Variants in POU2F1 observed in about 807,000 individuals in gnomAD.
POU2F1 encodes the protein POU class 2 homeobox 1.
POU2F1 carries 16 observed loss-of-function variants against 84.9 expected under a neutral mutation model. That is an observed-to-expected ratio of 0.19 (90% CI 0.13 to 0.29). POU2F1 has a LOEUF of 0.29. Among genes scored for constraint, POU2F1 ranks in the 10% least tolerant of loss-of-function variants. The probability of loss-of-function intolerance (pLI) is 1.00; values close to 1 mark genes in which losing one functional copy is unlikely to be tolerated. For missense variants in POU2F1, 738 were observed against 942.6 expected, an observed-to-expected ratio of 0.78 and a Z score of 2.84; for synonymous variants, 368 against 368.3, an observed-to-expected ratio of 1.00 and a Z score of 0.01.
intron 2 of POU2F1, among the ~76,000 whole-genome samples, chr1:167,364,821 G>A (rs1340914634): frequency 6.6e-6 from 1 of 151,848 alleles, no homozygotes; most frequent in African/African-American, 2.4e-5. Flanking sequence ...TACCCACCTT[G>A]GCCTCCCAAA....
rs556780239 is a variant in POU2F1 at position 167,314,930 on chromosome 1, C to T, written c.62-17540C>T. On this transcript the variant is annotated intron_variant, in intron 1 of 15. Coordinates refer to ENST00000367866, the MANE Select transcript of POU2F1 (RefSeq NM_002697.4). ...AGGGTGGATCCCTCATAGCTTGGTG[C>T]GGTCTTCTTGATAGTGAGTTCTCAT... is the stretch of plus-strand genomic sequence containing the variant. Among the ~76,000 whole-genome samples the T allele has an allele frequency of 5.3e-5, 8 of 152,200 alleles. No homozygotes were observed. The East Asian group carries it at 5.8e-4, about 11-fold the overall frequency.
intron 7 of POU2F1, chr1:167,380,646 A>G (rs1226722635): frequency 6.6e-6 from 1 of 152,246 alleles, no homozygotes; most frequent in African/African-American, 2.4e-5. Flanking sequence ...CAAAGAGCTA[A>G]TCTCTTAACT....
chr1:167,353,574 T>G (rs1299293296), intron 2 of POU2F1, among the ~76,000 whole-genome samples: 1 of 152,152 alleles, frequency 6.6e-6, no homozygotes, highest in Non-Finnish European at 1.5e-5. Flanking sequence ...CCCTTTGAAT[T>G]ATCATCCTCA....
chr1:167,338,320 T>C, intron 2 of POU2F1: 1 of 434,818 alleles, frequency 2.3e-6, no homozygotes, highest in South Asian at 1.7e-5. Context: ...GAATACAGTA[T>C]ATAATACATA....
At chr1:167,403,326 C>T (rs977898717) in intron 13 of POU2F1, among the ~76,000 whole-genome samples, 1 of 152,176 alleles carries the variant, frequency 6.6e-6, no homozygotes, top group Admixed American at 6.5e-5. Flanking sequence ...CCTTGTGATA[C>T]TCTAAGCAGA....
At chr1:167,227,805 TAATG>T (rs1242579750) in intron 1 of POU2F1, among the ~76,000 whole-genome samples, 1 of 152,158 alleles carries the variant, frequency 6.6e-6, no homozygotes, top group Non-Finnish European at 1.5e-5. Context: ...ATGTAACAGA[TAATG>T]AAGATTGGAG....
intron 7 of POU2F1, among the ~76,000 whole-genome samples, chr1:167,377,927 A>AT (rs1377436526): frequency 1.3e-5 from 2 of 151,670 alleles, no homozygotes; most frequent in Non-Finnish European, 2.9e-5. Flanking sequence ...TATGCACCAC[A>AT]TTTTTTTTAA....
At chr1:167,225,250 A>G (rs185808911) in intron 1 of POU2F1, among the ~76,000 whole-genome samples, 1 of 152,200 alleles carries the variant, frequency 6.6e-6, no homozygotes, top group African/African-American at 2.4e-5. Flanking sequence ...TCTGCTTCCA[A>G]ACCATTACCG....
At chr1:167,370,478 G>A (rs181718372) in intron 4 of POU2F1, among the ~76,000 whole-genome samples, 1 of 152,266 alleles carries the variant, frequency 6.6e-6, no homozygotes, top group East Asian at 1.9e-4. Flanking sequence ...ATGTTTCTAA[G>A]TTATACTGCT....
intron 1 of POU2F1, among the ~76,000 whole-genome samples, chr1:167,243,624 C>T (rs911442521): frequency 1.2e-4 from 18 of 152,050 alleles, no homozygotes; most frequent in African/African-American, 2.7e-4. Flanking sequence ...TACAGGCTTG[C>T]GCCACCATGC....
chr1:167,280,454 T>C (rs1030337746), intron 1 of POU2F1, among the ~76,000 whole-genome samples: 4 of 151,952 alleles, frequency 2.6e-5, no homozygotes, highest in African/African-American at 7.3e-5. Context: ...CTAGTGAACA[T>C]GTTAGGCTCT....
intron 2 of POU2F1, among the ~76,000 whole-genome samples, chr1:167,342,293 A>G (rs530586426): frequency 6.6e-6 from 1 of 152,308 alleles, no homozygotes; most frequent in African/African-American, 2.4e-5. Flanking sequence ...GAAAAGTCAA[A>G]AGAAATTTGT....
At chr1:167,385,698 AAAAT>A (rs1647922247) in intron 8 of POU2F1, among the ~76,000 whole-genome samples, 1 of 152,224 alleles carries the variant, frequency 6.6e-6, no homozygotes, top group Non-Finnish European at 1.5e-5. Context: ...AGCTTGGAAA[AAAAT>A]CTTTGTGTCC....
chr1:167,383,843 T>G lies in POU2F1; in HGVS notation c.719-14T>G, dbSNP rs193146656. 2 of 1,600,076 alleles carry G rather than the reference T, an allele frequency of 1.2e-6. No individual in the cohort carries two copies. The highest frequency in any genetic ancestry group is 1.1e-5 in the South Asian group (1 of 89,306). Reference sequence around the variant, plus strand: ...ATCTTTAATGTTTCTGGATAACATGTTTTTCTTCTACAGGTCTCCTGCAAG... The same window carrying G: ...ATCTTTAATGTTTCTGGATAACATGGTTTTCTTCTACAGGTCTCCTGCAAG... On this transcript the variant is annotated splice_polypyrimidine_tract_variant and intron_variant, in intron 7 of 15. Coordinates refer to ENST00000367866, the MANE Select transcript of POU2F1 (RefSeq NM_002697.4).
At chr1:167,354,931 C>G (rs539300530) in intron 2 of POU2F1, among the ~76,000 whole-genome samples, 16 of 151,904 alleles carry the variant, frequency 1.1e-4, no homozygotes, top group Non-Finnish European at 2.1e-4. Context: ...AATACTAATC[C>G]TTTGTTGTTT....
At chr1:167,263,704 C>A (rs1370833096) in intron 1 of POU2F1, among the ~76,000 whole-genome samples, 1 of 152,156 alleles carries the variant, frequency 6.6e-6, no homozygotes, top group Non-Finnish European at 1.5e-5. Flanking sequence ...AGATTTCATA[C>A]CCCAACAGTC....
chr1:167,384,043 A>T, intron 8 of POU2F1, 92 bp downstream of exon 8: 1 of 1,106,356 alleles, frequency 9.0e-7, no homozygotes, highest in Non-Finnish European at 1.3e-6. Context: ...AATCTAATAA[A>T]AATAATTCGG....
chr1:167,329,167 A>G, intron 1 of POU2F1: 4 of 1,461,140 alleles, frequency 2.7e-6, no homozygotes, highest in Non-Finnish European at 3.7e-6. Flanking sequence ...CTTTTCGCTT[A>G]AGAACATACT....
chr1:167,282,453 T>A (rs1201647978), intron 1 of POU2F1, among the ~76,000 whole-genome samples: 1 of 152,226 alleles, frequency 6.6e-6, no homozygotes, highest in African/African-American at 2.4e-5. Context: ...CAAAAATTTT[T>A]AAATTTCTAT....
Sources: allele counts gnomAD v4.1 joint callset (sites outside exome capture counted in the v4.1 genomes callset), GRCh38; gene constraint gnomAD v4.1.1; transcripts MANE v1.5; gene names NCBI Gene and HGNC (gene_info 2026-07-23, HGNC 2026-07-21).